Variants in AGAP1 observed in about 807,000 individuals in gnomAD.
AGAP1 encodes the protein ArfGAP with GTPase domain, ankyrin repeat and PH domain 1, also known as arf-GAP with GTPase, ANK repeat and PH domain-containing protein 1.
A neutral mutation model predicts 105.3 loss-of-function variants in AGAP1; 29 were observed. The observed-to-expected ratio is 0.28, with a 90% CI of 0.21 to 0.38. AGAP1 has a LOEUF of 0.38. Among genes scored for constraint, AGAP1 ranks in the 10% least tolerant of loss-of-function variants. The pLI, the probability that AGAP1 is intolerant of heterozygous loss-of-function variation, is 1.00. For synonymous variants in AGAP1, 509 were observed against 485.9 expected (o/e 1.05, Z -0.63); for missense variants, 998 against 1,165.1 (o/e 0.86, Z 2.09).
chr2:235,672,942 G>T (rs1403537207), intron 1 of AGAP1, among the ~76,000 whole-genome samples: 1 of 152,188 alleles, frequency 6.6e-6, no homozygotes, highest in Non-Finnish European at 1.5e-5. Context: ...TCTCTGGGCG[G>T]AATTACTTTG....
Position 236,027,783 on chromosome 2 carries a change from A to G in AGAP1, c.1646-8778A>G, listed in dbSNP as rs2057102213. On this transcript the variant is annotated intron_variant, in intron 13 of 17. Coordinates refer to ENST00000304032, the MANE Select transcript of AGAP1 (RefSeq NM_001037131.3). This position sits in a 1 kb window ranked among gnomAD's most constrained non-coding sequence, Gnocchi z 4.4. ...AAGAGCTGTTCATCGGCGTCTCACTACATGGTGAACTGCTACTCACAGGGA... is the reference window on the plus strand; with the variant it reads ...AAGAGCTGTTCATCGGCGTCTCACTGCATGGTGAACTGCTACTCACAGGGA... Among the ~76,000 whole-genome samples the G allele has an allele frequency of 6.6e-6, 1 of 152,074 alleles. No homozygotes were observed. Among genetic ancestry groups the G allele is most frequent in the Non-Finnish European group, 1.5e-5 (1 of 68,008 alleles).
chr2:235,799,380 G>T lies in AGAP1; in HGVS notation c.815G>T (p.Gly272Val), dbSNP rs774442441. ...TAATCATTTCAGACAAGTAATGGAG[G>T]TGGGAGTTTAAGCGACTATTCCTCC... Reference protein sequence around the residue: ...AVHISQTSNGGGSLSDYSSSV... With the variant: ...AVHISQTSNGVGSLSDYSSSV... The change falls in exon 8 of 18, where the codon GGT becomes GTT. Residue 272 changes from glycine (G) to valine (V), a missense_variant. Transcript: ENST00000304032. The surrounding 1 kb of genome is among the most constrained non-coding windows in gnomAD (Gnocchi z 5.0). 7 of 1,613,900 alleles carry T rather than the reference G, an allele frequency of 4.3e-6. No homozygotes were observed. In the East Asian group the frequency reaches 1.1e-4, roughly 26 times the overall value.
chr2:235,743,596 G>T (rs946726201), intron 4 of AGAP1, among the ~76,000 whole-genome samples: 1 of 152,090 alleles, frequency 6.6e-6, no homozygotes, highest in African/African-American at 2.4e-5. Flanking sequence ...TTTATCACTA[G>T]AACTTTGGGT....
At position 235,961,165 on chromosome 2, in the gene AGAP1, A is replaced by G. The variant is rs114928654; in HGVS notation, c.1484-7297A>G. Among the ~76,000 whole-genome samples the G allele has an allele frequency of 0.022, 3,312 of 152,278 alleles. 121 individuals are homozygous for G. Among genetic ancestry groups the G allele is most frequent in the African/African-American group, 0.076 (3,160 of 41,536 alleles). ...ATGTTCCGTAAACAAAGAAACACGC[A>G]TGGAGCATGTCATGTCCCCATGTGG... On this transcript the variant is annotated intron_variant, in intron 12 of 17. Transcript: ENST00000304032. This position sits in a 1 kb window ranked among gnomAD's most constrained non-coding sequence, Gnocchi z 5.9.
Position 235,867,456 on chromosome 2 carries a change from A to T in AGAP1, c.1051-15889A>T, listed in dbSNP as rs1308192405. ...ATCCCCAACGCTAATAGTCTGGATGAGGGTGCACAGGCTGTGAGAGTTCCT... is the reference window on the plus strand; with the variant it reads ...ATCCCCAACGCTAATAGTCTGGATGTGGGTGCACAGGCTGTGAGAGTTCCT... On this transcript the variant is annotated intron_variant, in intron 9 of 17. Transcript: ENST00000304032. The surrounding 1 kb of genome is among the most constrained non-coding windows in gnomAD (Gnocchi z 5.4). Among the ~76,000 whole-genome samples the T allele has an allele frequency of 6.6e-6, 1 of 151,848 alleles. No homozygotes were observed. Among genetic ancestry groups the T allele is most frequent in the Admixed American group, 6.6e-5 (1 of 15,256 alleles).
At chr2:235,545,409 C>A (rs899805682) in intron 1 of AGAP1, among the ~76,000 whole-genome samples, 1 of 152,186 alleles carries the variant, frequency 6.6e-6, no homozygotes, top group Non-Finnish European at 1.5e-5. Flanking sequence ...GCAGGGCTGG[C>A]GTGTGAGCCC....
At chr2:235,881,043 T>G (rs2049996859) in intron 9 of AGAP1, among the ~76,000 whole-genome samples, 1 of 152,212 alleles carries the variant, frequency 6.6e-6, no homozygotes, top group Non-Finnish European at 1.5e-5. Flanking sequence ...TTGCCACGTT[T>G]CCGTTAATAA....
intron 1 of AGAP1, among the ~76,000 whole-genome samples, chr2:235,618,350 C>T (rs921744145): frequency 6.6e-6 from 1 of 152,154 alleles, no homozygotes; most frequent in African/African-American, 2.4e-5. Flanking sequence ...CTTCATCCTA[C>T]TCTACAGAGT....
chr2:236,080,877 T>A lies in AGAP1; in HGVS notation c.2114+31596T>A, dbSNP rs766769796. ...TTCTCCTATTTATATGACCCTCTTA[T>A]AAGGACCCTTGTATATTGGGCCCAC... On this transcript the variant is annotated intron_variant, in intron 16 of 17. Transcript: ENST00000304032. The surrounding 1 kb of genome is among the most constrained non-coding windows in gnomAD (Gnocchi z 4.2). Among the ~76,000 whole-genome samples, 1 of 152,186 alleles carries A rather than the reference T, an allele frequency of 6.6e-6. No homozygotes were observed. Among genetic ancestry groups the A allele is most frequent in the South Asian group, 2.1e-4 (1 of 4,828 alleles).
chr2:235,829,411 T>G (rs1257363183), intron 9 of AGAP1, among the ~76,000 whole-genome samples: 1 of 152,226 alleles, frequency 6.6e-6, no homozygotes, highest in African/African-American at 2.4e-5. Flanking sequence ...ACTGTGGCCA[T>G]GTTAATAACC....
At chr2:235,938,827 T>A (rs2053113461) in intron 12 of AGAP1, among the ~76,000 whole-genome samples, 4 of 151,860 alleles carry the variant, frequency 2.6e-5, no homozygotes, top group Admixed American at 2.6e-4. Flanking sequence ...GCTGAAAACC[T>A]GGGAGGGCCG....
chr2:235,498,610 T>G (rs946833249), intron 1 of AGAP1, among the ~76,000 whole-genome samples: 3 of 152,238 alleles, frequency 2.0e-5, no homozygotes. Flanking sequence ...TAAAGCTTGT[T>G]CTTCTTTCAA....
rs1949623989 is a variant in AGAP1 at position 235,689,296 on chromosome 2, GC to G, written c.164-19881del. Among the ~76,000 whole-genome samples, 3 of 152,304 alleles carry G rather than the reference GC, an allele frequency of 2.0e-5. No homozygotes were observed. The highest frequency in any genetic ancestry group is 3.4e-3 in the Middle Eastern group (1 of 294). ...CAAGAGCAATGGAGAGAGTGAGGTT[GC>G]CGTGTCCACAAGTCACTGCACAGCT... On this transcript the variant is annotated intron_variant, in intron 1 of 17. Coordinates refer to ENST00000304032, the MANE Select transcript of AGAP1 (RefSeq NM_001037131.3). The surrounding 1 kb of genome is among the most constrained non-coding windows in gnomAD (Gnocchi z 4.2).
rs1957490147 is a variant in AGAP1 at position 235,801,428 on chromosome 2, T to C, written c.957+1906T>C. On this transcript the variant is annotated intron_variant, in intron 8 of 17. Transcript: ENST00000304032. The surrounding 1 kb of genome is among the most constrained non-coding windows in gnomAD (Gnocchi z 6.0). Reference sequence around the variant, plus strand: ...TGTGATAGATTAGGAGGTGGGTATTTAGGTTTCTGTAAAATACAGGTGAGT... The same window carrying C: ...TGTGATAGATTAGGAGGTGGGTATTCAGGTTTCTGTAAAATACAGGTGAGT... Among the ~76,000 whole-genome samples, 1 of 151,944 alleles carries C rather than the reference T, an allele frequency of 6.6e-6. No homozygotes were observed. Among genetic ancestry groups the C allele is most frequent in the Non-Finnish European group, 1.5e-5 (1 of 67,980 alleles).
In AGAP1 at chr2:235,579,852, C is replaced by CA. The variant is rs1291544109; in HGVS notation, c.163+85005dup. Among the ~76,000 whole-genome samples, 3 of 152,174 alleles carry CA rather than the reference C, an allele frequency of 2.0e-5. No homozygotes were observed. The South Asian group carries it at 6.2e-4, about 32-fold the overall frequency. On this transcript the variant is annotated intron_variant, in intron 1 of 17. Coordinates refer to ENST00000304032, the MANE Select transcript of AGAP1 (RefSeq NM_001037131.3). Reference sequence around the variant, plus strand: ...ACCACCCACCCGTCTAGTTCCAAAACAATTTCATCACCCCCGCCCAGGGGA... The same window carrying CA: ...ACCACCCACCCGTCTAGTTCCAAAACAAATTTCATCACCCCCGCCCAGGGGA...
At chr2:235,677,701 T>C (rs1250146634) in intron 1 of AGAP1, among the ~76,000 whole-genome samples, 1 of 151,684 alleles carries the variant, frequency 6.6e-6, no homozygotes, top group Non-Finnish European at 1.5e-5. Flanking sequence ...TGCCTGTCAT[T>C]GCGAGGGTTT....
chr2:235,770,415 G>A (rs55749012), intron 6 of AGAP1, among the ~76,000 whole-genome samples: 35,373 of 151,516 alleles, frequency 0.23, 4,771 homozygotes, highest in Admixed American at 0.39. Flanking sequence ...GATTACAGGC[G>A]TGAGCCACCA....
In AGAP1 at chr2:235,600,326, A is replaced by G. The variant is rs928250642; in HGVS notation, c.163+105477A>G. On this transcript the variant is annotated intron_variant, in intron 1 of 17. Transcript: ENST00000304032. The surrounding 1 kb of genome is among the most constrained non-coding windows in gnomAD (Gnocchi z 4.8). ...TGCTGGCACTACCTTTTCAGCCTGCATGGACTGTGCTGGAAACACTCAGTA... is the reference window on the plus strand; with the variant it reads ...TGCTGGCACTACCTTTTCAGCCTGCGTGGACTGTGCTGGAAACACTCAGTA... Among the ~76,000 whole-genome samples the G allele has an allele frequency of 3.3e-5, 5 of 152,022 alleles. No homozygotes were observed. Among genetic ancestry groups the G allele is most frequent in the African/African-American group, 4.8e-5 (2 of 41,388 alleles).
At position 235,549,431 on chromosome 2, in the gene AGAP1, G is replaced by A. The variant is rs1440737343; in HGVS notation, c.163+54582G>A. On this transcript the variant is annotated intron_variant, in intron 1 of 17. Transcript: ENST00000304032. The surrounding 1 kb of genome is among the most constrained non-coding windows in gnomAD (Gnocchi z 4.2). ...CAGCTACTTGGAGAGATGCTGTTGA[G>A]GTTGGGAGGCAATGCAGGGTGTTCA... Among the ~76,000 whole-genome samples the A allele has an allele frequency of 6.6e-6, 1 of 152,156 alleles. No individual in the cohort carries two copies. Among genetic ancestry groups the A allele is most frequent in the Non-Finnish European group, 1.5e-5 (1 of 68,022 alleles).
Sources: gnomAD v4.1 joint callset for allele counts (sites outside exome capture counted in the v4.1 genomes callset) on GRCh38, gnomAD v4.1.1 for gene constraint, Gnocchi (gnomAD v3.1) non-coding constraint, MANE v1.5 for transcripts, NCBI Gene and HGNC (gene_info 2026-07-23, HGNC 2026-07-21) for gene names.